Variants in FSTL4 observed in about 807,000 individuals in gnomAD.
FSTL4 encodes follistatin like 4.
Under a neutral mutation model 78.2 loss-of-function variants are expected in FSTL4, and 28 were observed. That is an observed-to-expected ratio of 0.36 (90% CI 0.27 to 0.49). The LOEUF (loss-of-function observed/expected upper bound fraction) is 0.49. FSTL4 is among the 20% of genes least tolerant of loss of function. FSTL4 has a pLI of 0.98. For missense variants in FSTL4, 922 were observed against 1,084.9 expected, an observed-to-expected ratio of 0.85 and a Z score of 2.11; for synonymous variants, 422 against 440.5, an observed-to-expected ratio of 0.96 and a Z score of 0.53.
At chr5:133,324,046 T>C (rs866121431) in intron 4 of FSTL4, among the ~76,000 whole-genome samples, 10 of 152,120 alleles carry the variant, frequency 6.6e-5, no homozygotes, top group South Asian at 4.2e-4. Context: ...CAAAGGGAGA[T>C]AGGTAGCAGG....
chr5:133,324,868 G>A (rs1412490283), intron 4 of FSTL4, among the ~76,000 whole-genome samples: 1 of 152,232 alleles, frequency 6.6e-6, no homozygotes, highest in Non-Finnish European at 1.5e-5. Context: ...TCCTTGGGGG[G>A]CATGCTGACC....
chr5:133,467,281 T>TGA (rs1491295140), intron 3 of FSTL4, among the ~76,000 whole-genome samples: 2 of 151,222 alleles, frequency 1.3e-5, no homozygotes, highest in South Asian at 4.2e-4. Flanking sequence ...TGTGTGTGTG[T>TGA]GAGTGTGTAT....
chr5:133,565,738 G>A (rs1202862794), intron 3 of FSTL4, among the ~76,000 whole-genome samples: 1 of 152,134 alleles, frequency 6.6e-6, no homozygotes, highest in African/African-American at 2.4e-5. Flanking sequence ...GAAATACATG[G>A]CTCTTTTATA....
At chr5:133,479,959 T>A (rs548202113) in intron 3 of FSTL4, among the ~76,000 whole-genome samples, 1 of 152,316 alleles carries the variant, frequency 6.6e-6, no homozygotes, top group East Asian at 1.9e-4. Flanking sequence ...GTGTCTTTTA[T>A]CTGCTTAAAC....
chr5:133,229,124 G>A (rs933849484), intron 8 of FSTL4, among the ~76,000 whole-genome samples: 8 of 152,188 alleles, frequency 5.3e-5, no homozygotes, highest in African/African-American at 1.9e-4. Flanking sequence ...ATTAAAAAAG[G>A]CTTGGATAAT....
chr5:133,423,790 G>A (rs1428416668), intron 3 of FSTL4, among the ~76,000 whole-genome samples: 1 of 152,144 alleles, frequency 6.6e-6, no homozygotes, highest in African/African-American at 2.4e-5. Flanking sequence ...CTGAGGCCAC[G>A]GGACTGCTCT....
At chr5:133,742,282 C>A in the FSTL4 span, among the ~76,000 whole-genome samples, 1 of 152,190 alleles carries the variant, frequency 6.6e-6, no homozygotes, top group African/African-American at 2.4e-5. Context: ...CAGCCACCAT[C>A]AAAAGTGTCA....
intron 4 of FSTL4, among the ~76,000 whole-genome samples, chr5:133,326,097 T>G (rs773846130): frequency 2.0e-4 from 30 of 152,322 alleles, no homozygotes; most frequent in Non-Finnish European, 3.5e-4. Context: ...TACTCCCAGC[T>G]CTAATTTAGG....
At chr5:133,823,567 A>G in the FSTL4 span, among the ~76,000 whole-genome samples, 1 of 152,292 alleles carries the variant, frequency 6.6e-6, no homozygotes, top group South Asian at 2.1e-4. Flanking sequence ...GTCTGAGAAT[A>G]GCTCCCAGAG....
At chr5:133,259,928 T>C (rs1227139186) in intron 6 of FSTL4, among the ~76,000 whole-genome samples, 2 of 151,954 alleles carry the variant, frequency 1.3e-5, no homozygotes, top group African/African-American at 4.8e-5. Flanking sequence ...CCACACAACA[T>C]TGAGGTCCCA....
chr5:133,730,647 G>C, the FSTL4 span, among the ~76,000 whole-genome samples: 1 of 152,154 alleles, frequency 6.6e-6, no homozygotes, highest in Non-Finnish European at 1.5e-5. Context: ...ATATGGCCAG[G>C]CCCAGATGGT....
At chr5:133,464,087 C>T (rs114162737) in intron 3 of FSTL4, among the ~76,000 whole-genome samples, 2,115 of 152,300 alleles carry the variant, frequency 0.014, 43 homozygotes, top group African/African-American at 0.049. Flanking sequence ...ATGGATCAAC[C>T]GTCTCACGTC....
At chr5:133,345,538 G>C (rs1754679124) in intron 4 of FSTL4, among the ~76,000 whole-genome samples, 1 of 152,132 alleles carries the variant, frequency 6.6e-6, no homozygotes. Flanking sequence ...TTTTCTTCTA[G>C]GGTTTTTACG....
chr5:133,546,999 G>A (rs1339588268), intron 3 of FSTL4, among the ~76,000 whole-genome samples: 1 of 152,164 alleles, frequency 6.6e-6, no homozygotes, highest in Non-Finnish European at 1.5e-5. Flanking sequence ...CTTGTCAGAA[G>A]GATTGAGCCA....
At chr5:133,283,963 G>T (rs1428144) in intron 6 of FSTL4, among the ~76,000 whole-genome samples, 66,063 of 152,008 alleles carry the variant, frequency 0.43, 14,822 homozygotes, top group Middle Eastern at 0.62. Flanking sequence ...TACACACTTT[G>T]AAAACATCAG....
chr5:133,338,523 C>T lies in FSTL4; in HGVS notation c.410-21871G>A, dbSNP rs2126916044. 6.6e-6 allele frequency among the ~76,000 whole-genome samples: 1 copy of T among 152,230 alleles called. No individual in the cohort carries two copies. The highest frequency in any genetic ancestry group is 1.5e-5 in the Non-Finnish European group (1 of 68,010). On this transcript the variant is annotated intron_variant, in intron 4 of 15. Coordinates refer to ENST00000265342, the MANE Select transcript of FSTL4 (RefSeq NM_015082.2). This position sits in a 1 kb window ranked among gnomAD's most constrained non-coding sequence, Gnocchi z 4.0. ...ATACAGAAACTTCCCTCTGCTCCCC[C>T]ATGGATACTCGGTTCCCTCAATCGA...
the FSTL4 span, among the ~76,000 whole-genome samples, chr5:133,646,854 A>T: frequency 6.6e-6 from 1 of 152,054 alleles, no homozygotes; most frequent in African/African-American, 2.4e-5. Context: ...CAATCCCTTT[A>T]CATTTGTTAT....
the FSTL4 span, among the ~76,000 whole-genome samples, chr5:133,725,096 T>C: frequency 6.6e-6 from 1 of 152,236 alleles, no homozygotes; most frequent in Non-Finnish European, 1.5e-5. Context: ...GCCAATGCCA[T>C]GCCATCTTGA....
intron 4 of FSTL4, among the ~76,000 whole-genome samples, chr5:133,371,097 C>A (rs564403718): frequency 6.6e-6 from 1 of 152,344 alleles, no homozygotes; most frequent in East Asian, 1.9e-4. Flanking sequence ...GCAAGCAGGG[C>A]CCATGCAGGG....
Sources: allele counts gnomAD v4.1 joint callset (sites outside exome capture counted in the v4.1 genomes callset), GRCh38; gene constraint gnomAD v4.1.1; non-coding constraint Gnocchi (gnomAD v3.1); transcripts MANE v1.5; gene names NCBI Gene and HGNC (gene_info 2026-07-23, HGNC 2026-07-21).